The following ATG10 variants were observed in gnomAD, a reference collection of about 807,000 sequenced individuals.
The protein encoded by ATG10 is ubiquitin-like-conjugating enzyme ATG10.
In ATG10, 30 loss-of-function variants were observed where a neutral mutation model predicts 32.1. The ratio of observed to expected loss-of-function variants is 0.94; its 90% CI spans 0.70 to 1.27. The LOEUF is 1.27. Ranked by LOEUF, ATG10 falls within the 50% of genes most tolerant of loss-of-function variation. ATG10 has a pLI of 0.00. For missense variants in ATG10, 233 were observed against 262.3 expected (o/e 0.89, Z 0.77); for synonymous variants, 87 against 91.5 (o/e 0.95, Z 0.28).
chr5:82,135,369 A>G (rs574188400), intron 3 of ATG10, among the ~76,000 whole-genome samples: 86 of 152,310 alleles, frequency 5.6e-4, no homozygotes, highest in African/African-American at 2.0e-3. Context: ...TTTTAGTGCT[A>G]TAAATTTTTC....
At chr5:82,220,776 G>A (rs1020723100) in intron 5 of ATG10, among the ~76,000 whole-genome samples, 1 of 110,134 alleles carries the variant, frequency 9.1e-6, no homozygotes, top group Non-Finnish European at 1.9e-5. Flanking sequence ...TTTTTTTTTT[G>A]TTAAAGATGG....
chr5:82,080,285 G>A (rs1373550354), intron 3 of ATG10, among the ~76,000 whole-genome samples: 1 of 152,076 alleles, frequency 6.6e-6, no homozygotes, highest in East Asian at 1.9e-4. Context: ...TGAGTAGATT[G>A]CAAAAATTTT....
chr5:82,221,262 A>T (rs934704699), intron 5 of ATG10, among the ~76,000 whole-genome samples: 1 of 152,100 alleles, frequency 6.6e-6, no homozygotes, highest in Non-Finnish European at 1.5e-5. Context: ...GTTTCCAGAG[A>T]GATGTCAAGG....
intron 2 of ATG10, among the ~76,000 whole-genome samples, chr5:82,013,458 T>G (rs1347636379): frequency 6.6e-6 from 1 of 152,212 alleles, no homozygotes; most frequent in Non-Finnish European, 1.5e-5. Context: ...CAATTGCAAA[T>G]TGTGCTGCTT....
intron 3 of ATG10, among the ~76,000 whole-genome samples, chr5:82,139,750 C>CG: frequency 8.9e-6 from 1 of 112,224 alleles, no homozygotes; most frequent in South Asian, 3.3e-4. Context: ...CCGCCCCGTC[C>CG]GGGAGGCGAG....
At chr5:82,184,919 T>A (rs563189530) in intron 5 of ATG10, among the ~76,000 whole-genome samples, 167 of 152,332 alleles carry the variant, frequency 1.1e-3, no homozygotes, top group African/African-American at 3.9e-3. Flanking sequence ...GCAGTCCTTC[T>A]ATGCTCAGAA....
intron 3 of ATG10, among the ~76,000 whole-genome samples, chr5:82,059,268 C>T (rs1763694904): frequency 6.6e-6 from 1 of 151,416 alleles, no homozygotes. Context: ...TTGTATATAC[C>T]CATTGTAAAA....
intron 5 of ATG10, among the ~76,000 whole-genome samples, chr5:82,181,653 T>C (rs944875896): frequency 6.6e-6 from 1 of 152,098 alleles, no homozygotes; most frequent in Non-Finnish European, 1.5e-5. Context: ...ATCATTAGCT[T>C]GCGGACTGAA....
At chr5:82,036,514 A>G (rs529547330) in intron 2 of ATG10, among the ~76,000 whole-genome samples, 26 of 152,236 alleles carry the variant, frequency 1.7e-4, no homozygotes, top group African/African-American at 5.8e-4. Context: ...GAATTGCTTG[A>G]ACCCAGGAGG....
intron 2 of ATG10, among the ~76,000 whole-genome samples, chr5:82,012,303 T>C (rs796495761): frequency 5.2e-5 from 8 of 152,392 alleles, no homozygotes; most frequent in African/African-American, 1.9e-4. Context: ...AGTTTCAAAG[T>C]TGTTTTTTGA....
At chr5:82,042,886 G>A (rs28820290) in intron 2 of ATG10, among the ~76,000 whole-genome samples, 1,533 of 152,196 alleles carry the variant, frequency 0.01, 19 homozygotes, top group African/African-American at 0.035. Context: ...TGCTTTCCCC[G>A]GCTGGTTTTG....
intron 5 of ATG10, among the ~76,000 whole-genome samples, chr5:82,192,478 C>T (rs1034934892): frequency 6.6e-6 from 1 of 152,164 alleles, no homozygotes; most frequent in Non-Finnish European, 1.5e-5. Flanking sequence ...AGGGGTTGGG[C>T]TCTGGAGTCA....
chr5:82,051,838 G>T (rs1763437308), intron 2 of ATG10, among the ~76,000 whole-genome samples: 1 of 152,150 alleles, frequency 6.6e-6, no homozygotes, highest in African/African-American at 2.4e-5. Flanking sequence ...GATGGATATT[G>T]GTTTAATGTC....
chr5:82,135,947 T>C (rs1290604149), intron 3 of ATG10, among the ~76,000 whole-genome samples: 1 of 152,232 alleles, frequency 6.6e-6, no homozygotes, highest in Non-Finnish European at 1.5e-5. Context: ...CTCTTCTTGT[T>C]GCATTGATTC....
At chr5:82,226,369 CT>C (rs111601416) in intron 5 of ATG10, among the ~76,000 whole-genome samples, 14 of 149,462 alleles carry the variant, frequency 9.4e-5, no homozygotes, top group African/African-American at 2.0e-4. Flanking sequence ...CTTTTTACTT[CT>C]TTTTTTTTTC....
intron 4 of ATG10, among the ~76,000 whole-genome samples, chr5:82,173,341 G>A (rs965177846): frequency 2.6e-5 from 4 of 152,202 alleles, no homozygotes; most frequent in Non-Finnish European, 4.4e-5. Flanking sequence ...TACTTGACAT[G>A]TGGGTTATTA....
At chr5:82,132,404 GC>G (rs576403312) in intron 3 of ATG10, among the ~76,000 whole-genome samples, 2 of 97,060 alleles carry the variant, frequency 2.1e-5, no homozygotes, top group African/African-American at 4.1e-5. Context: ...CCCTCCCCTA[GC>G]CCCCCCACCC....
intron 2 of ATG10, among the ~76,000 whole-genome samples, chr5:82,002,878 C>G (rs1761888450): frequency 6.6e-6 from 1 of 152,062 alleles, no homozygotes; most frequent in African/African-American, 2.4e-5. Context: ...TACACCAGAC[C>G]CCTGTGACAT....
intron 2 of ATG10, among the ~76,000 whole-genome samples, chr5:82,005,342 T>G (rs1259153523): frequency 6.6e-6 from 1 of 152,246 alleles, no homozygotes; most frequent in Non-Finnish European, 1.5e-5. Context: ...TCGCCGAGGC[T>G]GGAGTGCAGT....
Sources: allele counts gnomAD v4.1 joint callset (sites outside exome capture counted in the v4.1 genomes callset), GRCh38; gene constraint gnomAD v4.1.1; transcripts MANE v1.5; gene names NCBI Gene and HGNC (gene_info 2026-07-23, HGNC 2026-07-21).